Variants in PPFIA2 observed in about 807,000 individuals in gnomAD.
PPFIA2 encodes liprin-alpha-2.
In PPFIA2, 46 loss-of-function variants were observed where a neutral mutation model predicts 175.5. The ratio of observed to expected loss-of-function variants is 0.26; its 90% CI spans 0.21 to 0.34. PPFIA2 has a LOEUF of 0.34. Ranked by LOEUF, PPFIA2 falls within the 10% of genes least tolerant of loss-of-function variation. The probability of loss-of-function intolerance (pLI) is 1.00; values close to 1 mark genes in which losing one functional copy is unlikely to be tolerated. For missense variants in PPFIA2, 1,179 were observed against 1,506.1 expected, an observed-to-expected ratio of 0.78 and a Z score of 3.60; for synonymous variants, 568 against 511.4, an observed-to-expected ratio of 1.11 and a Z score of -1.49.
intron 4 of PPFIA2, among the ~76,000 whole-genome samples, chr12:81,673,474 ATAT>A (rs1369643189): frequency 6.6e-6 from 1 of 152,078 alleles, no homozygotes; most frequent in African/African-American, 2.4e-5. Flanking sequence ...ACAAAGTGGT[ATAT>A]TTACAAAGCA....
At chr12:81,409,604 G>T (rs1418824826) in intron 7 of PPFIA2, among the ~76,000 whole-genome samples, 1 of 151,960 alleles carries the variant, frequency 6.6e-6, no homozygotes, top group Admixed American at 6.6e-5. Flanking sequence ...TCATGCCTTG[G>T]ACTTCCCAGC....
At chr12:81,483,704 G>A (rs570362858) in intron 4 of PPFIA2, among the ~76,000 whole-genome samples, 3 of 151,866 alleles carry the variant, frequency 2.0e-5, no homozygotes, top group South Asian at 4.2e-4. Context: ...CAGTTGTTAT[G>A]AAAAACTGTA....
intron 4 of PPFIA2, among the ~76,000 whole-genome samples, chr12:81,580,301 G>A (rs945541890): frequency 6.6e-5 from 10 of 151,692 alleles, no homozygotes; most frequent in Non-Finnish European, 1.3e-4. Context: ...AAAAAGTGAA[G>A]TTAGAAAGAT....
At chr12:81,355,360 T>C (rs1043008657) in intron 16 of PPFIA2, among the ~76,000 whole-genome samples, 5 of 152,196 alleles carry the variant, frequency 3.3e-5, no homozygotes, top group African/African-American at 4.8e-5. Context: ...GTTGCATTCA[T>C]AGAGCACAGG....
At chr12:81,316,180 A>G (rs1440268815) in intron 22 of PPFIA2, among the ~76,000 whole-genome samples, 1 of 151,604 alleles carries the variant, frequency 6.6e-6, no homozygotes, top group East Asian at 1.9e-4. Flanking sequence ...CCCCGGCAAG[A>G]GAGAGACTAT....
At chr12:81,524,882 T>C (rs1361967711) in intron 4 of PPFIA2, among the ~76,000 whole-genome samples, 2 of 152,122 alleles carry the variant, frequency 1.3e-5, no homozygotes, top group Non-Finnish European at 2.9e-5. Context: ...TGAGGGCAAA[T>C]CCTTCATGAA....
At chr12:81,385,440 C>T (rs959631744) in intron 8 of PPFIA2, among the ~76,000 whole-genome samples, 8 of 152,038 alleles carry the variant, frequency 5.3e-5, no homozygotes, top group South Asian at 2.1e-4. Flanking sequence ...AGCCAAGAAA[C>T]GGAATCAACC....
intron 7 of PPFIA2, among the ~76,000 whole-genome samples, chr12:81,408,051 T>C (rs531078535): frequency 7.2e-5 from 11 of 152,236 alleles, no homozygotes; most frequent in African/African-American, 9.6e-5. Flanking sequence ...AAATAATACA[T>C]GGATATGGGA....
chr12:81,746,177 G>T (rs954295295), intron 3 of PPFIA2, among the ~76,000 whole-genome samples: 1 of 144,266 alleles, frequency 6.9e-6, no homozygotes, highest in Non-Finnish European at 1.6e-5. Context: ...ATGGCATAGC[G>T]GGAGTGTTCA....
intron 7 of PPFIA2, among the ~76,000 whole-genome samples, chr12:81,435,476 C>T (rs1004769009): frequency 9.9e-5 from 15 of 151,386 alleles, no homozygotes; most frequent in African/African-American, 2.4e-4. Flanking sequence ...AATAGATGAG[C>T]GATCAATGAA....
chr12:81,372,250 C>A (rs2035315440), intron 11 of PPFIA2, among the ~76,000 whole-genome samples: 1 of 150,296 alleles, frequency 6.7e-6, no homozygotes. Context: ...CATGAATAAC[C>A]TCAGAAAGGG....
chr12:81,407,779 A>G (rs1484479478), intron 7 of PPFIA2, among the ~76,000 whole-genome samples: 1 of 152,006 alleles, frequency 6.6e-6, no homozygotes, highest in Non-Finnish European at 1.5e-5. Flanking sequence ...TTGAGATACA[A>G]CTCCTCAGAG....
rs2034011043 is a variant in PPFIA2 at position 81,367,984 on chromosome 12, A to C, written c.1482+741T>G. 3 of 655,732 alleles carry C rather than the reference A, an allele frequency of 4.6e-6. No individual in the cohort carries two copies. The South Asian group carries it at 5.0e-5, about 11-fold the overall frequency. 40.6% of individuals were successfully genotyped at this position (655,732 alleles called of 1,614,324 possible). A position where few individuals can be genotyped will look rare whatever the true frequency, so the allele number is the denominator to read the frequency against. On this transcript the variant is annotated intron_variant, in intron 13 of 32. Coordinates refer to ENST00000549396, the MANE Select transcript of PPFIA2 (RefSeq NM_003625.5). ...AATTAATCAAACTAACTTTTTGTCA[A>C]AACATTTTCCCTATTTTGGTTTATT...
chr12:81,639,846 C>T (rs886486656), intron 4 of PPFIA2, among the ~76,000 whole-genome samples: 25 of 152,034 alleles, frequency 1.6e-4, no homozygotes. Context: ...TCTAGACAAC[C>T]TCTGCCCTAT....
At chr12:81,701,161 A>C (rs951969377) in intron 3 of PPFIA2, among the ~76,000 whole-genome samples, 1 of 152,174 alleles carries the variant, frequency 6.6e-6, no homozygotes, top group African/African-American at 2.4e-5. Flanking sequence ...TGTGAGATGC[A>C]GGCCATCATG....
At chr12:81,488,749 C>T (rs140407958) in intron 4 of PPFIA2, among the ~76,000 whole-genome samples, 1 of 151,836 alleles carries the variant, frequency 6.6e-6, no homozygotes, top group Non-Finnish European at 1.5e-5. Context: ...TCAGGTTTCC[C>T]ATTGATGAGA....
intron 7 of PPFIA2, among the ~76,000 whole-genome samples, chr12:81,433,736 A>C (rs1254783708): frequency 1.3e-5 from 2 of 152,118 alleles, no homozygotes; most frequent in Non-Finnish European, 2.9e-5. Flanking sequence ...CAATTTGACA[A>C]ACATATATTG....
chr12:81,382,293 A>G (rs970226683), intron 9 of PPFIA2, among the ~76,000 whole-genome samples: 8 of 152,156 alleles, frequency 5.3e-5, no homozygotes, highest in African/African-American at 1.9e-4. Flanking sequence ...GGAAGGTGGT[A>G]GTAGAGAGAT....
At chr12:81,487,385 CA>C (rs1468091171) in intron 4 of PPFIA2, among the ~76,000 whole-genome samples, 3 of 151,804 alleles carry the variant, frequency 2.0e-5, no homozygotes, top group African/African-American at 7.3e-5. Context: ...CAGAAACAAG[CA>C]AAGTCTTACT....
Sources: allele counts gnomAD v4.1 joint callset (sites outside exome capture counted in the v4.1 genomes callset), GRCh38; gene constraint gnomAD v4.1.1; transcripts MANE v1.5; gene names NCBI Gene and HGNC (gene_info 2026-07-23, HGNC 2026-07-21).